FBXL20: variants seen among roughly 807,000 people sequenced by gnomAD.
The protein encoded by FBXL20 is F-box and leucine rich repeat protein 20, also known as F-box/LRR-repeat protein 20.
FBXL20 carries 11 observed loss-of-function variants against 64.0 expected under a neutral mutation model. The observed-to-expected ratio is 0.17, with a 90% CI of 0.11 to 0.28. The LOEUF (loss-of-function observed/expected upper bound fraction) is 0.28, where lower values mean the gene tolerates loss of function less well. Among genes scored for constraint, FBXL20 ranks in the 10% least tolerant of loss-of-function variants. FBXL20 has a pLI of 1.00. For missense variants in FBXL20, 303 were observed against 526.2 expected (o/e 0.58, Z 4.15); for synonymous variants, 184 against 189.0 (o/e 0.97, Z 0.22).
chr17:39,282,667 T>TA (rs1184690796), intron 8 of FBXL20, 62 bp downstream of exon 8: 2 of 1,610,766 alleles, frequency 1.2e-6, no homozygotes, highest in Non-Finnish European at 1.7e-6. Context: ...GGGCTGTCTA[T>TA]AAAGAGCTCA....
intron 12 of FBXL20, among the ~76,000 whole-genome samples, chr17:39,265,680 T>TA (rs766227076): frequency 6.2e-5 from 9 of 146,096 alleles, no homozygotes; most frequent in Middle Eastern, 3.8e-3. Context: ...TTTTTTAAAT[T>TA]AAAAAAATTT....
At chr17:39,288,988 C>A (rs1400190852) in intron 6 of FBXL20, among the ~76,000 whole-genome samples, 1 of 152,172 alleles carries the variant, frequency 6.6e-6, no homozygotes, top group Non-Finnish European at 1.5e-5. Flanking sequence ...CAGGCGTGAG[C>A]CACCGTGCCT....
chr17:39,356,820 T>C (rs1214934041), intron 1 of FBXL20, among the ~76,000 whole-genome samples: 2 of 120,814 alleles, frequency 1.7e-5, no homozygotes, highest in African/African-American at 9.6e-5. Flanking sequence ...CACACCTGGC[T>C]AATTTTTTTT....
At chr17:39,366,404 A>G (rs1167848564) in intron 1 of FBXL20, among the ~76,000 whole-genome samples, 2 of 152,108 alleles carry the variant, frequency 1.3e-5, no homozygotes, top group Non-Finnish European at 2.9e-5. Context: ...TTCCCAGAAC[A>G]CTTTCTTTTC....
intron 6 of FBXL20, among the ~76,000 whole-genome samples, chr17:39,288,576 A>T (rs1385316645): frequency 6.6e-6 from 1 of 151,832 alleles, no homozygotes; most frequent in Non-Finnish European, 1.5e-5. Context: ...TCAGCCTCCC[A>T]AGTAGTTGAG....
At chr17:39,313,760 C>T (rs752200155) in intron 2 of FBXL20, among the ~76,000 whole-genome samples, 2 of 152,200 alleles carry the variant, frequency 1.3e-5, no homozygotes, top group Admixed American at 6.5e-5. Flanking sequence ...CTCAGCTTCC[C>T]GAGTAGCTGG....
chr17:39,347,376 G>A (rs1053078171), intron 1 of FBXL20, among the ~76,000 whole-genome samples: 1 of 152,032 alleles, frequency 6.6e-6, no homozygotes, highest in Non-Finnish European at 1.5e-5. Flanking sequence ...TTTAATGATC[G>A]CCATTCTAAC....
Position 39,264,325 on chromosome 17 carries a change from G to A in FBXL20, c.1053C>T (p.Cys351=), listed in dbSNP as rs781698067. The part of the protein sequence containing the change: ...DGIRHLGNGA[C]AHDQLEVIEL... ...CAATCACCTCCAGCTGGTCATGGGC[G>A]CAGGCCCCATTCCCCAGGTGACGAA... The change falls in exon 14 of 15, where the codon TGC becomes TGT. Residue 351 remains cysteine (C), a synonymous_variant. Coordinates refer to ENST00000264658, the MANE Select transcript of FBXL20 (RefSeq NM_032875.3). 2.1e-5 allele frequency: 34 copies of A among 1,613,996 alleles called. No individual in the cohort carries two copies. The highest frequency in any genetic ancestry group is 3.3e-5 in the Admixed American group (2 of 60,004).
intron 2 of FBXL20, among the ~76,000 whole-genome samples, chr17:39,324,862 T>C (rs1049004820): frequency 1.3e-5 from 2 of 152,182 alleles, no homozygotes; most frequent in African/African-American, 4.8e-5. Context: ...AAAATGAATG[T>C]CAATGATGGC....
intron 2 of FBXL20, among the ~76,000 whole-genome samples, chr17:39,333,068 G>C (rs1311022034): frequency 6.6e-6 from 1 of 152,038 alleles, no homozygotes; most frequent in Non-Finnish European, 1.5e-5. Flanking sequence ...CTCCCAAGTA[G>C]CTCAGATTAT....
intron 14 of FBXL20, among the ~76,000 whole-genome samples, chr17:39,263,398 C>A (rs1232380768): frequency 6.6e-6 from 1 of 152,114 alleles, no homozygotes; most frequent in Non-Finnish European, 1.5e-5. Context: ...CGCCTGTAGT[C>A]TCAGCTGTTG....
chr17:39,359,399 C>T (rs2047772920), intron 1 of FBXL20, among the ~76,000 whole-genome samples: 1 of 151,978 alleles, frequency 6.6e-6, no homozygotes, highest in East Asian at 1.9e-4. Flanking sequence ...CCAAGGCGGG[C>T]AGATCATGAT....
chr17:39,364,168 G>C (rs1036999555), intron 1 of FBXL20, among the ~76,000 whole-genome samples: 1 of 152,112 alleles, frequency 6.6e-6, no homozygotes, highest in African/African-American at 2.4e-5. Context: ...GGGATTACAA[G>C]ATGTGAGCCA....
chr17:39,392,410 A>C (rs1264227320), intron 1 of FBXL20, among the ~76,000 whole-genome samples: 1 of 149,882 alleles, frequency 6.7e-6, no homozygotes, highest in Non-Finnish European at 1.5e-5. Context: ...ACCGAATCCC[A>C]GCCTGGGCAA....
chr17:39,370,192 A>T (rs1202940443), intron 1 of FBXL20, among the ~76,000 whole-genome samples: 2 of 123,696 alleles, frequency 1.6e-5, no homozygotes, highest in South Asian at 2.3e-4. Context: ...AGGATGGTTT[A>T]AAAAAAAAAA....
chr17:39,396,731 G>A (rs902833981), intron 1 of FBXL20, among the ~76,000 whole-genome samples: 8 of 151,898 alleles, frequency 5.3e-5, no homozygotes, highest in African/African-American at 1.7e-4. Context: ...TGAGGTGGGC[G>A]GATCGCGAGG....
intron 1 of FBXL20, among the ~76,000 whole-genome samples, chr17:39,366,254 T>C (rs1164055937): frequency 6.6e-6 from 1 of 152,184 alleles, no homozygotes; most frequent in African/African-American, 2.4e-5. Context: ...CTATGGACTC[T>C]TTCTCACCCT....
At chr17:39,264,949 G>A (rs79637686) in intron 13 of FBXL20, among the ~76,000 whole-genome samples, 1 of 152,140 alleles carries the variant, frequency 6.6e-6, no homozygotes. Context: ...GGATACAACA[G>A]AACAGTCACT....
chr17:39,336,608 G>C (rs942989984), intron 2 of FBXL20, among the ~76,000 whole-genome samples: 1 of 152,104 alleles, frequency 6.6e-6, no homozygotes, highest in African/African-American at 2.4e-5. Flanking sequence ...GGTAAATTAC[G>C]AGGTGAGGAG....
Sources: gnomAD v4.1 joint callset for allele counts (sites outside exome capture counted in the v4.1 genomes callset) on GRCh38, gnomAD v4.1.1 for gene constraint, MANE v1.5 for transcripts, NCBI Gene and HGNC (gene_info 2026-07-23, HGNC 2026-07-21) for gene names.